Variants in GAREM2 observed in about 807,000 individuals in gnomAD.
GAREM2 encodes GRB2-associated and regulator of MAPK protein 2.
Under a neutral mutation model 55.6 loss-of-function variants are expected in GAREM2, and 30 were observed. The observed-to-expected ratio is 0.54, with a 90% confidence interval of 0.40 to 0.73. The LOEUF is 0.73. GAREM2 is among the 30% of genes least tolerant of loss of function. The pLI is 0.00. For synonymous variants in GAREM2, 550 were observed against 569.1 expected (o/e 0.97, Z 0.48); for missense variants, 1,075 against 1,257.7 (o/e 0.85, Z 2.20).
intron 5 of GAREM2, 130 bp downstream of exon 5, chr2:26,186,488 C>A: frequency 1.2e-6 from 1 of 856,548 alleles, no homozygotes. Flanking sequence ...GTGCAGCTCC[C>A]TGTGCAGTGG....
In GAREM2 at chr2:26,186,313, C is replaced by T. The variant is rs1053896250; in HGVS notation, c.1553C>T (p.Ser518Phe). ...PRFPKLQPVH[S>F]PSSSLSYYSS... is the part of the protein sequence containing the mutation. ...TTCCCCAAGCTGCAGCCGGTACATTCCCCCAGCTCCAGCCTCTCCTACTAC... is the reference window on the plus strand; with the variant it reads ...TTCCCCAAGCTGCAGCCGGTACATTTCCCCAGCTCCAGCCTCTCCTACTAC... Residue 518 changes from serine (S) to phenylalanine (F), a missense_variant, in exon 5 of 6, where the codon TCC (serine) becomes TTC (phenylalanine). Coordinates refer to ENST00000401533, the MANE Select transcript of GAREM2 (RefSeq NM_001168241.2). 1.3e-6 allele frequency: 2 copies of T among 1,551,606 alleles called. No individual in the cohort carries two copies. Among genetic ancestry groups the T allele is most frequent in the Non-Finnish European group, 1.7e-6 (2 of 1,146,928 alleles).
At chr2:26,194,059 T>C (rs948018328), downstream of GAREM2, among the ~76,000 whole-genome samples, 3 of 152,186 alleles carry the variant, frequency 2.0e-5, no homozygotes, top group African/African-American at 7.2e-5. Context: ...AATAAGGAGA[T>C]TGCATGACAG....
rs753757174 is a variant in GAREM2 at position 26,187,499 on chromosome 2, C to A, written c.1867C>A (p.Arg623Ser). 2.6e-6 allele frequency: 4 copies of A among 1,544,252 alleles called. No homozygotes were observed. The highest frequency in any genetic ancestry group is 3.5e-6 in the Non-Finnish European group (4 of 1,143,430). ...ATTCAAGCCCTCACATCCCCAGAAGCGCTTTGCTCCGTTTGGAGCTCTCAA... is the reference window on the plus strand; with the variant it reads ...ATTCAAGCCCTCACATCCCCAGAAGAGCTTTGCTCCGTTTGGAGCTCTCAA... ...PLFKPSHPQK[R>S]FAPFGALNPF... Residue 623 changes from arginine to serine, a missense_variant, in exon 6 of 6, where the codon CGC becomes AGC. Physicochemically the swap from Arg to Ser is moderately radical, Grantham distance 110. Around this residue, in one of 6 missense-constraint regions of GAREM2, gnomAD observed 515 missense variants for 501.5 expected, o/e 1.03. Coordinates refer to ENST00000401533, the MANE Select transcript of GAREM2 (RefSeq NM_001168241.2).
At chr2:26,199,907 G>C in the GAREM2 span, among the ~76,000 whole-genome samples, 1 of 152,170 alleles carries the variant, frequency 6.6e-6, no homozygotes, top group East Asian at 1.9e-4. Flanking sequence ...ATGCAGCCCA[G>C]GAGTGACCCC....
chr2:26,176,025 G>T (rs1302967111), intron 1 of GAREM2, among the ~76,000 whole-genome samples: 1 of 152,208 alleles, frequency 6.6e-6, no homozygotes, highest in Non-Finnish European at 1.5e-5. Flanking sequence ...CTCCTGGAGG[G>T]CAGGGGCTGG....
downstream of GAREM2, chr2:26,190,825 C>T: frequency 3.5e-6 from 1 of 282,574 alleles, no homozygotes; most frequent in Non-Finnish European, 6.9e-6. Flanking sequence ...GGCTTTCTTC[C>T]AGATTGCTTT....
Position 26,187,795 on chromosome 2 carries a change from G to T in GAREM2, c.2163G>T (p.Glu721Asp). The T allele has an allele frequency of 6.9e-7, 1 of 1,445,196 alleles. No homozygotes were observed. Among genetic ancestry groups the T allele is most frequent in the Non-Finnish European group, 9.1e-7 (1 of 1,094,530 alleles). The allele number at this position is 1,445,196 out of a possible 1,614,324, so 89.5% of individuals were successfully genotyped here. Residue 721 changes from glutamate (E) to aspartate (D), a missense_variant, in exon 6 of 6, where the codon GAG becomes GAT. Coordinates refer to ENST00000401533, the MANE Select transcript of GAREM2 (RefSeq NM_001168241.2). ...SPEPELLRSQ[E>D]PRAVGTPGPG... Reference sequence around the variant, plus strand: ...AGCCTGAGCTGCTGCGTTCTCAGGAGCCCAGAGCAGTGGGGACACCTGGGC... The same window carrying T: ...AGCCTGAGCTGCTGCGTTCTCAGGATCCCAGAGCAGTGGGGACACCTGGGC...
At position 26,188,836 on chromosome 2, in the gene GAREM2, C is replaced by T. The variant is rs577314774; in HGVS notation, c.*579C>T. Reference sequence around the variant, plus strand: ...GGCCTGGCCCCGCACACAGGTGAGTCGTGTACAAGCCTAACCCATGGCACC... The same window carrying T: ...GGCCTGGCCCCGCACACAGGTGAGTTGTGTACAAGCCTAACCCATGGCACC... On this transcript the variant is annotated 3_prime_UTR_variant, in exon 6 of 6. Transcript: ENST00000401533. 5.9e-5 allele frequency: 9 copies of T among 152,488 alleles called. No homozygotes were observed. The highest frequency in any genetic ancestry group is 2.2e-4 in the African/African-American group (9 of 41,568). The allele number at this position is 152,488 out of a possible 1,614,324, so 9.4% of individuals were successfully genotyped here.
At chr2:26,173,393 A>G (rs1363622556) in intron 1 of GAREM2, 61 bp downstream of exon 1, 13 of 903,132 alleles carry the variant, frequency 1.4e-5, no homozygotes, top group Non-Finnish European at 1.8e-5. Flanking sequence ...CTCTCCAGCC[A>G]GGGGCCAGAG....
the GAREM2 span, among the ~76,000 whole-genome samples, chr2:26,203,807 A>T: frequency 6.6e-6 from 1 of 152,248 alleles, no homozygotes; most frequent in Non-Finnish European, 1.5e-5. Flanking sequence ...CTGCATTCAA[A>T]GACTACAGAC....
At position 26,173,985 on chromosome 2, in the gene GAREM2, G is replaced by A. The variant is rs537707761; in HGVS notation, c.112+653G>A. Among the ~76,000 whole-genome samples the A allele has an allele frequency of 2.6e-4, 39 of 152,230 alleles. No homozygotes were observed. The East Asian group carries it at 6.6e-3, about 26-fold the overall frequency. On this transcript the variant is annotated intron_variant, in intron 1 of 5. Transcript: ENST00000401533. ...CGCTCGGCTGATGGAACCACGCATG[G>A]GGGCCCGAGAGGGTACGCCCGGAGG...
downstream of GAREM2, chr2:26,192,296 T>G: frequency 7.5e-7 from 1 of 1,329,756 alleles, no homozygotes; most frequent in Non-Finnish European, 1.1e-6. Context: ...CATTAGCCAC[T>G]CAAACGGACT....
the GAREM2 span, among the ~76,000 whole-genome samples, chr2:26,200,859 A>T: frequency 6.6e-6 from 1 of 151,906 alleles, no homozygotes; most frequent in African/African-American, 2.4e-5. Context: ...CAGCCTCCCA[A>T]ATAGCTGGGA....
chr2:26,185,502 C>T (rs912986426), intron 4 of GAREM2, among the ~76,000 whole-genome samples: 1 of 152,168 alleles, frequency 6.6e-6, no homozygotes, highest in South Asian at 2.1e-4. Flanking sequence ...TGTAGGTCCC[C>T]AGCCTCAGAG....
At chr2:26,201,092 AT>A in the GAREM2 span, 22 of 1,337,108 alleles carry the variant, frequency 1.6e-5, no homozygotes, top group East Asian at 2.3e-4. Context: ...TAAAAAAAAA[AT>A]CTCTGTGTTT....
chr2:26,191,491 C>T, downstream of GAREM2: 2 of 1,614,186 alleles, frequency 1.2e-6, no homozygotes, highest in South Asian at 1.1e-5. Context: ...ACCTCCCAGA[C>T]AAGGCGGGAA....
In GAREM2 at chr2:26,187,889, G is replaced by T; in HGVS notation, c.2257G>T (p.Val753Phe). Residue 753 changes from valine (V) to phenylalanine (F), a missense_variant, in exon 6 of 6, where the codon GTC (valine) becomes TTC (phenylalanine). By Grantham distance (50) the Val-to-Phe change is conservative. Coordinates refer to ENST00000401533, the MANE Select transcript of GAREM2 (RefSeq NM_001168241.2). The part of the protein sequence containing the change: ...FEPEGLVLHQ[V>F]PTPLSPAALQ... ...GCCTGAAGGTTTGGTGCTGCACCAG[G>T]TCCCCACCCCACTGTCACCAGCTGC... 2 of 1,438,360 alleles carry T rather than the reference G, an allele frequency of 1.4e-6. No homozygotes were observed. Among genetic ancestry groups the T allele is most frequent in the Middle Eastern group, 1.8e-4 (1 of 5,486 alleles). The allele number at this position is 1,438,360 out of a possible 1,614,324, so 89.1% of individuals were successfully genotyped here.
chr2:26,182,424 C>G (rs1450273797), intron 2 of GAREM2: 4 of 1,550,160 alleles, frequency 2.6e-6, no homozygotes, highest in Non-Finnish European at 2.6e-6. Flanking sequence ...CTGGGCCAGG[C>G]CCTGGTTGGC....
At position 26,184,250 on chromosome 2, in the gene GAREM2, C is replaced by T. The variant is rs770574191; in HGVS notation, c.402C>T (p.Phe134=). ...ATCCCCAGGTGGTGTCGGGCGAGTT[C>T]AGCGAGGACAGCGAGGTGTACAACT... The part of the protein sequence containing the change: ...TFSVKVVSGE[F]SEDSEVYNFT... The change falls in exon 4 of 6, where the codon TTC becomes TTT. Residue 134 remains phenylalanine, a synonymous_variant. Coordinates refer to ENST00000401533, the MANE Select transcript of GAREM2 (RefSeq NM_001168241.2). 1.3e-6 allele frequency: 2 copies of T among 1,550,490 alleles called. No individual in the cohort carries two copies. The highest frequency in any genetic ancestry group is 2.4e-5 in the South Asian group (2 of 84,054).
Sources: gnomAD v4.1 joint callset for allele counts (sites outside exome capture counted in the v4.1 genomes callset) on GRCh38, gnomAD v4.1.1 for gene constraint, gnomAD v4.1.1 regional missense constraint, MANE v1.5 for transcripts, NCBI Gene and HGNC (gene_info 2026-07-23, HGNC 2026-07-21) for gene names.